The following GABRG3 variants were observed in gnomAD, a reference collection of about 807,000 sequenced individuals.
GABRG3 encodes gamma-aminobutyric acid type A receptor subunit gamma3.
A neutral mutation model predicts 48.8 loss-of-function variants in GABRG3; 25 were observed. The observed-to-expected ratio is 0.51, with a 90% CI of 0.37 to 0.72. The LOEUF (loss-of-function observed/expected upper bound fraction) is 0.72. Ranked by LOEUF, GABRG3 falls within the 30% of genes least tolerant of loss-of-function variation. GABRG3 has a pLI of 0.00. For synonymous variants in GABRG3, 227 were observed against 217.6 expected (o/e 1.04, Z -0.38); for missense variants, 394 against 577.9 (o/e 0.68, Z 3.26).
intron 5 of GABRG3, among the ~76,000 whole-genome samples, chr15:27,397,642 C>G (rs1444654768): frequency 6.6e-6 from 1 of 152,030 alleles, no homozygotes; most frequent in Non-Finnish European, 1.5e-5. Context: ...TTGTCCCTCA[C>G]CATTTCTAAA....
At chr15:27,358,624 C>G (rs934838103) in intron 5 of GABRG3, among the ~76,000 whole-genome samples, 4 of 151,910 alleles carry the variant, frequency 2.6e-5, no homozygotes, top group African/African-American at 9.7e-5. Flanking sequence ...CCACCGAGAT[C>G]CAAAAAGGAA....
chr15:27,087,754 AGTGTGTG>A (rs1897103370), intron 3 of GABRG3, among the ~76,000 whole-genome samples: 1 of 151,206 alleles, frequency 6.6e-6, no homozygotes, highest in South Asian at 2.1e-4. Context: ...GGTGTGCTGT[AGTGTGTG>A]GTGTGTGTAT....
intron 5 of GABRG3, among the ~76,000 whole-genome samples, chr15:27,376,385 A>T (rs529137542): frequency 1.0e-3 from 155 of 152,314 alleles, no homozygotes; most frequent in Admixed American, 2.7e-3. Flanking sequence ...TCACAGCTCC[A>T]CTAGGCAGTG....
chr15:27,001,888 G>GTTTTTTTTTTTTT (rs60516105), intron 2 of GABRG3, among the ~76,000 whole-genome samples: 4,377 of 120,604 alleles, frequency 0.036, 408 homozygotes, highest in African/African-American at 0.1. Flanking sequence ...CCATAACTCA[G>GTTTTTTTTTTTTT]TTTTTTTTTT....
intron 6 of GABRG3, among the ~76,000 whole-genome samples, chr15:27,487,896 A>G (rs533564453): frequency 4.3e-4 from 65 of 152,316 alleles, no homozygotes; most frequent in African/African-American, 1.5e-3. Context: ...TGATGACACT[A>G]CAACCCTTTA....
intron 6 of GABRG3, among the ~76,000 whole-genome samples, chr15:27,517,979 T>C (rs1173049596): frequency 2.6e-5 from 4 of 152,082 alleles, no homozygotes; most frequent in Non-Finnish European, 4.4e-5. Flanking sequence ...TATTTCATCC[T>C]GCAAAAAATT....
At chr15:27,088,371 C>G (rs150056695) in intron 3 of GABRG3, among the ~76,000 whole-genome samples, 1 of 151,898 alleles carries the variant, frequency 6.6e-6, no homozygotes, top group African/African-American at 2.4e-5. Flanking sequence ...GGAAAGGGTG[C>G]GCTATTCAGA....
intron 3 of GABRG3, among the ~76,000 whole-genome samples, chr15:27,254,449 T>A (rs867034576): frequency 6.6e-6 from 1 of 152,074 alleles, no homozygotes; most frequent in Non-Finnish European, 1.5e-5. Flanking sequence ...TGTGGTTGCT[T>A]GTCTTAGTCT....
At chr15:27,501,880 G>A (rs1430249735) in intron 6 of GABRG3, among the ~76,000 whole-genome samples, 1 of 152,038 alleles carries the variant, frequency 6.6e-6, no homozygotes, top group Non-Finnish European at 1.5e-5. Flanking sequence ...TGTGGGATGT[G>A]ATATTGAGAC....
chr15:27,195,412 A>C (rs1228640313), intron 3 of GABRG3, among the ~76,000 whole-genome samples: 3 of 152,048 alleles, frequency 2.0e-5, no homozygotes. Flanking sequence ...GCTCACTGCA[A>C]CCTTTGCCTC....
intron 3 of GABRG3, among the ~76,000 whole-genome samples, chr15:27,143,279 T>C (rs1898138528): frequency 6.6e-6 from 1 of 152,128 alleles, no homozygotes; most frequent in Middle Eastern, 3.2e-3. Context: ...GGGGTCTCGC[T>C]GTGTTGTGTA....
intron 3 of GABRG3, among the ~76,000 whole-genome samples, chr15:27,062,176 A>C (rs995656687): frequency 6.6e-6 from 1 of 152,028 alleles, no homozygotes; most frequent in Non-Finnish European, 1.5e-5. Flanking sequence ...GGCTGTGCAA[A>C]CGGGGACTCC....
intron 3 of GABRG3, among the ~76,000 whole-genome samples, chr15:27,053,448 CCAG>C (rs1356152836): frequency 6.6e-6 from 1 of 152,166 alleles, no homozygotes; most frequent in Non-Finnish European, 1.5e-5. Context: ...CCATCTCACG[CCAG>C]TCAGAATAGT....
At chr15:27,131,117 T>C (rs537954168) in intron 3 of GABRG3, among the ~76,000 whole-genome samples, 116 of 152,270 alleles carry the variant, frequency 7.6e-4, no homozygotes, top group African/African-American at 2.7e-3. Context: ...CTGTCCGTGA[T>C]TTTAGAGGAA....
chr15:27,303,786 A>G (rs1892297644), intron 3 of GABRG3, among the ~76,000 whole-genome samples: 1 of 151,404 alleles, frequency 6.6e-6, no homozygotes, highest in South Asian at 2.1e-4. Context: ...CTATGTATAT[A>G]CATATATCTA....
intron 3 of GABRG3, among the ~76,000 whole-genome samples, chr15:27,119,599 A>C (rs1441384199): frequency 2.0e-5 from 3 of 152,188 alleles, no homozygotes; most frequent in African/African-American, 4.8e-5. Flanking sequence ...GTTAAGGTCT[A>C]ATGAGGCTGA....
intron 5 of GABRG3, among the ~76,000 whole-genome samples, chr15:27,422,740 A>G (rs1297747605): frequency 1.3e-5 from 2 of 152,212 alleles, no homozygotes; most frequent in African/African-American, 2.4e-5. Context: ...TGTGACAAAA[A>G]TCAGTGACTT....
intron 3 of GABRG3, among the ~76,000 whole-genome samples, chr15:27,106,228 T>C (rs1054822777): frequency 6.6e-6 from 1 of 151,992 alleles, no homozygotes; most frequent in African/African-American, 2.4e-5. Context: ...GATAATAAAA[T>C]TGTACTGTAT....
intron 3 of GABRG3, among the ~76,000 whole-genome samples, chr15:27,285,168 T>G (rs552372263): frequency 1.3e-5 from 2 of 152,212 alleles, no homozygotes; most frequent in Admixed American, 1.3e-4. Context: ...TTCCAGAATT[T>G]TAGACTGAAG....
Sources: gnomAD v4.1 joint callset for allele counts (sites outside exome capture counted in the v4.1 genomes callset) on GRCh38, gnomAD v4.1.1 for gene constraint, MANE v1.5 for transcripts, NCBI Gene and HGNC (gene_info 2026-07-23, HGNC 2026-07-21) for gene names.